NTRK2: variants seen among roughly 807,000 people sequenced by gnomAD.
The protein encoded by NTRK2 is BDNF/NT-3 growth factors receptor.
NTRK2 carries 13 observed loss-of-function variants against 94.5 expected under a neutral mutation model. The ratio of observed to expected loss-of-function variants is 0.14; its 90% confidence interval spans 0.09 to 0.22. The LOEUF is 0.22. NTRK2 is among the 10% of genes least tolerant of loss of function. The probability of loss-of-function intolerance (pLI) is 1.00; values close to 1 mark genes in which losing one functional copy is unlikely to be tolerated. For missense variants in NTRK2, 639 were observed against 1,071.2 expected, an observed-to-expected ratio of 0.60 and a Z score of 5.63; for synonymous variants, 372 against 407.4, an observed-to-expected ratio of 0.91 and a Z score of 1.05.
chr9:85,001,457 T>G (rs1488542075), intron 17 of NTRK2, among the ~76,000 whole-genome samples: 2 of 152,226 alleles, frequency 1.3e-5, no homozygotes, highest in South Asian at 2.1e-4. Flanking sequence ...GTGCTTCCTT[T>G]GCAGTACACA....
intron 12 of NTRK2, among the ~76,000 whole-genome samples, chr9:84,769,697 G>C (rs1461380384): frequency 6.6e-6 from 1 of 152,132 alleles, no homozygotes; most frequent in African/African-American, 2.4e-5. Context: ...GTCTGAGCAG[G>C]GTCTGTGCCC....
intron 12 of NTRK2, among the ~76,000 whole-genome samples, chr9:84,838,035 T>A (rs189787301): frequency 1.3e-5 from 2 of 152,226 alleles, no homozygotes; most frequent in Non-Finnish European, 2.9e-5. Context: ...ATAGATATTA[T>A]GCTTTCTTCA....
chr9:84,818,400 G>C (rs1433546641), intron 12 of NTRK2, among the ~76,000 whole-genome samples: 1 of 152,184 alleles, frequency 6.6e-6, no homozygotes, highest in African/African-American at 2.4e-5. Context: ...TTGTGTTATT[G>C]TTGCACTAAA....
intron 14 of NTRK2, among the ~76,000 whole-genome samples, chr9:84,928,873 T>G (rs1160067499): frequency 5.3e-5 from 8 of 152,132 alleles, no homozygotes; most frequent in Non-Finnish European, 1.0e-4. Flanking sequence ...TCCTGAAAAC[T>G]TTAAGATCTC....
intron 17 of NTRK2, among the ~76,000 whole-genome samples, chr9:84,956,975 C>T (rs1046389532): frequency 6.6e-6 from 1 of 151,992 alleles, no homozygotes; most frequent in Non-Finnish European, 1.5e-5. Context: ...ACACTCTTAA[C>T]TTCAGGTGTT....
chr9:85,005,709 T>C (rs1830888812), intron 17 of NTRK2, among the ~76,000 whole-genome samples: 1 of 152,170 alleles, frequency 6.6e-6, no homozygotes, highest in Non-Finnish European at 1.5e-5. Context: ...TTTTTGTACC[T>C]GCTGACCCCA....
intron 14 of NTRK2, among the ~76,000 whole-genome samples, chr9:84,903,792 G>A (rs1587881140): frequency 2.0e-5 from 3 of 151,316 alleles, no homozygotes; most frequent in South Asian, 4.2e-4. Flanking sequence ...CCTGGCCTGG[G>A]AAACTCTTTT....
intron 17 of NTRK2, among the ~76,000 whole-genome samples, chr9:84,991,094 C>T (rs764485123): frequency 3.3e-5 from 5 of 152,264 alleles, no homozygotes; most frequent in Middle Eastern, 3.4e-3. Context: ...TTCCCTGAAG[C>T]GATTTATTAG....
chr9:84,940,138 C>G (rs2078356280), intron 15 of NTRK2, among the ~76,000 whole-genome samples: 1 of 152,210 alleles, frequency 6.6e-6, no homozygotes, highest in African/African-American at 2.4e-5. Flanking sequence ...TCCACTCTAC[C>G]CAACCCAAAT....
At chr9:84,911,893 G>C (rs182434324) in intron 14 of NTRK2, among the ~76,000 whole-genome samples, 1 of 152,098 alleles carries the variant, frequency 6.6e-6, no homozygotes, top group East Asian at 1.9e-4. Flanking sequence ...AGCATTTAGT[G>C]CTATAATTTT....
intron 12 of NTRK2, among the ~76,000 whole-genome samples, chr9:84,846,909 G>A (rs2074501988): frequency 6.6e-6 from 1 of 152,194 alleles, no homozygotes; most frequent in African/African-American, 2.4e-5. Context: ...CATGGGCTGG[G>A]AAAATGAGAG....
intron 11 of NTRK2, among the ~76,000 whole-genome samples, chr9:84,747,824 T>C (rs986246777): frequency 2.4e-4 from 36 of 152,308 alleles, no homozygotes; most frequent in African/African-American, 7.0e-4. Context: ...AGGCACCTGA[T>C]TGGCATATCT....
chr9:84,682,761 A>G (rs2059469775), intron 2 of NTRK2, among the ~76,000 whole-genome samples: 1 of 152,214 alleles, frequency 6.6e-6, no homozygotes, highest in African/African-American at 2.4e-5. Flanking sequence ...TTTGTACACA[A>G]ATGAGGGCAT....
chr9:84,802,671 A>G (rs1390664761), intron 12 of NTRK2, among the ~76,000 whole-genome samples: 1 of 152,218 alleles, frequency 6.6e-6, no homozygotes, highest in Non-Finnish European at 1.5e-5. Flanking sequence ...GAACATATAT[A>G]AGGCTGTGAC....
At chr9:84,824,123 G>A (rs1182811092) in intron 12 of NTRK2, among the ~76,000 whole-genome samples, 3 of 152,184 alleles carry the variant, frequency 2.0e-5, no homozygotes, top group South Asian at 2.1e-4. Flanking sequence ...AGGGAGCTGG[G>A]CTTTCATATG....
At chr9:84,863,714 C>T (rs886317697) in intron 13 of NTRK2, among the ~76,000 whole-genome samples, 23 of 152,194 alleles carry the variant, frequency 1.5e-4, no homozygotes, top group African/African-American at 5.3e-4. Flanking sequence ...GCAACCTTGC[C>T]AGCCATATCA....
chr9:84,790,020 T>C (rs1351820013), intron 12 of NTRK2, among the ~76,000 whole-genome samples: 1 of 152,170 alleles, frequency 6.6e-6, no homozygotes, highest in Non-Finnish European at 1.5e-5. Flanking sequence ...TTCCAAACTC[T>C]ATGGTATTGA....
chr9:84,959,591 T>C (rs1056336140), intron 17 of NTRK2, among the ~76,000 whole-genome samples: 2 of 152,230 alleles, frequency 1.3e-5, no homozygotes, highest in Admixed American at 6.5e-5. Flanking sequence ...GAGCTAATTA[T>C]ACCTTCCCAA....
intron 14 of NTRK2, among the ~76,000 whole-genome samples, chr9:84,893,340 T>C (rs2076651428): frequency 2.0e-5 from 3 of 152,194 alleles, no homozygotes; most frequent in African/African-American, 7.2e-5. Context: ...TCTGAAATCA[T>C]GTAAGTGCAC....
Sources: allele counts gnomAD v4.1 joint callset (sites outside exome capture counted in the v4.1 genomes callset), GRCh38; gene constraint gnomAD v4.1.1; transcripts MANE v1.5; gene names NCBI Gene and HGNC (gene_info 2026-07-23, HGNC 2026-07-21).